CDK6: variants seen among roughly 807,000 people sequenced by gnomAD.
CDK6 encodes cyclin-dependent kinase 6.
CDK6 carries 6 observed loss-of-function variants against 37.1 expected under a neutral mutation model. That is an observed-to-expected ratio of 0.16 (90% confidence interval 0.09 to 0.32). CDK6 has a LOEUF of 0.32. Ranked by LOEUF, CDK6 falls within the 10% of genes least tolerant of loss-of-function variation. CDK6 has a pLI of 1.00. For synonymous variants in CDK6, 160 were observed against 161.3 expected (o/e 0.99, Z 0.06); for missense variants, 224 against 418.9 (o/e 0.53, Z 4.06).
intron 2 of CDK6, among the ~76,000 whole-genome samples, chr7:92,781,558 G>C (rs760329444): frequency 1.1e-4 from 17 of 152,180 alleles, no homozygotes; most frequent in Non-Finnish European, 1.9e-4. Context: ...CAAACAACAT[G>C]CTTTGTAAAC....
At chr7:92,825,603 G>A (rs1010154617) in intron 2 of CDK6, among the ~76,000 whole-genome samples, 1 of 152,106 alleles carries the variant, frequency 6.6e-6, no homozygotes, top group African/African-American at 2.4e-5. Context: ...ATTATGAAGA[G>A]GAGTAGAAGA....
At chr7:92,637,285 C>T (rs1294793152) in intron 5 of CDK6, among the ~76,000 whole-genome samples, 3 of 152,178 alleles carry the variant, frequency 2.0e-5, no homozygotes, top group African/African-American at 4.8e-5. Context: ...AAATAAATGT[C>T]TACTTCCAAT....
At chr7:92,740,173 A>G (rs1035493330) in intron 3 of CDK6, among the ~76,000 whole-genome samples, 1 of 152,188 alleles carries the variant, frequency 6.6e-6, no homozygotes, top group African/African-American at 2.4e-5. Flanking sequence ...CTGCTTCCTA[A>G]CTATCTCTGG....
intron 5 of CDK6, among the ~76,000 whole-genome samples, chr7:92,665,770 G>GA (rs1796942647): frequency 6.6e-6 from 1 of 152,102 alleles, no homozygotes; most frequent in African/African-American, 2.4e-5. Flanking sequence ...AATCATTACA[G>GA]AAAAAAATAT....
chr7:92,639,827 A>G (rs1022609337), intron 5 of CDK6, among the ~76,000 whole-genome samples: 1 of 152,212 alleles, frequency 6.6e-6, no homozygotes, highest in Non-Finnish European at 1.5e-5. Context: ...TTCCAACCAC[A>G]GATTAATACT....
intron 3 of CDK6, among the ~76,000 whole-genome samples, chr7:92,731,057 G>T (rs1305633884): frequency 6.6e-6 from 1 of 152,142 alleles, no homozygotes; most frequent in Non-Finnish European, 1.5e-5. Context: ...ACTCCTTGGA[G>T]ATTCCACCCA....
chr7:92,821,194 C>A (rs532522870), intron 2 of CDK6, among the ~76,000 whole-genome samples: 1 of 152,262 alleles, frequency 6.6e-6, no homozygotes, highest in Admixed American at 6.5e-5. Flanking sequence ...CCCAGGCCAC[C>A]TGGTGTAGGT....
intron 4 of CDK6, among the ~76,000 whole-genome samples, chr7:92,692,323 C>A (rs1010779757): frequency 3.9e-5 from 6 of 152,182 alleles, no homozygotes; most frequent in Admixed American, 3.3e-4. Flanking sequence ...CAAAATCTGA[C>A]TGATTGGCAT....
chr7:92,647,569 G>A (rs1343078678), intron 5 of CDK6, among the ~76,000 whole-genome samples: 1 of 152,176 alleles, frequency 6.6e-6, no homozygotes, highest in African/African-American at 2.4e-5. Flanking sequence ...AAGAATACAG[G>A]AAATTCATAT....
intron 2 of CDK6, among the ~76,000 whole-genome samples, chr7:92,797,533 A>G (rs1800445166): frequency 6.6e-6 from 1 of 152,114 alleles, no homozygotes; most frequent in East Asian, 1.9e-4. Context: ...CAACCACATC[A>G]CAGAATTGGC....
intron 2 of CDK6, among the ~76,000 whole-genome samples, chr7:92,792,541 G>A (rs1800310367): frequency 6.6e-6 from 1 of 151,974 alleles, no homozygotes; most frequent in Non-Finnish European, 1.5e-5. Context: ...CAAACCACCT[G>A]ACAGAAGATT....
chr7:92,654,806 T>C (rs1796653936), intron 5 of CDK6, among the ~76,000 whole-genome samples: 1 of 152,084 alleles, frequency 6.6e-6, no homozygotes, highest in African/African-American at 2.4e-5. Context: ...ATCTACCTAT[T>C]TCCAGGTGCA....
chr7:92,748,750 C>G (rs1799117259), intron 3 of CDK6, among the ~76,000 whole-genome samples: 1 of 152,108 alleles, frequency 6.6e-6, no homozygotes, highest in African/African-American at 2.4e-5. Flanking sequence ...TACAGTACTT[C>G]CTTAAATCTA....
At chr7:92,722,532 C>A (rs1260761178) in intron 4 of CDK6, among the ~76,000 whole-genome samples, 1 of 152,178 alleles carries the variant, frequency 6.6e-6, no homozygotes, top group Admixed American at 6.5e-5. Context: ...TGATTTTGAA[C>A]ACAGATATGT....
intron 5 of CDK6, among the ~76,000 whole-genome samples, chr7:92,670,902 T>C (rs539899158): frequency 2.0e-5 from 3 of 152,366 alleles, no homozygotes; most frequent in South Asian, 2.1e-4. Context: ...CTGTCCTCTA[T>C]AGTACCTGAA....
At chr7:92,749,295 C>T (rs1326520496) in intron 3 of CDK6, among the ~76,000 whole-genome samples, 1 of 151,314 alleles carries the variant, frequency 6.6e-6, no homozygotes, top group Non-Finnish European at 1.5e-5. Flanking sequence ...GGCAACATAG[C>T]GAGACCCTGT....
At chr7:92,672,236 C>A (rs1208909437) in intron 4 of CDK6, among the ~76,000 whole-genome samples, 2 of 145,960 alleles carry the variant, frequency 1.4e-5, no homozygotes, top group Non-Finnish European at 3.0e-5. Context: ...CACACACACA[C>A]ACACACATAT....
chr7:92,728,786 G>A (rs1183808745), intron 3 of CDK6, among the ~76,000 whole-genome samples: 2 of 151,916 alleles, frequency 1.3e-5, no homozygotes, highest in African/African-American at 4.8e-5. Flanking sequence ...TTAGCAAATG[G>A]CTTTTCTTTT....
chr7:92,712,826 C>T lies in CDK6; in HGVS notation c.537+12800G>A, dbSNP rs78051512. Among the ~76,000 whole-genome samples the T allele has an allele frequency of 1.9e-3, 289 of 150,680 alleles. 2 individuals are homozygous for T. Among genetic ancestry groups the T allele is most frequent in the African/African-American group, 6.8e-3 (278 of 40,740 alleles). ...CATGTGAGTTTCTCTCTTCTTTAGACATTAATCCTATGTATGTATGTATGT... is the reference window on the plus strand; with the variant it reads ...CATGTGAGTTTCTCTCTTCTTTAGATATTAATCCTATGTATGTATGTATGT... On this transcript the variant is annotated intron_variant, in intron 4 of 7. Transcript: ENST00000424848.
Sources: gnomAD v4.1 joint callset for allele counts (sites outside exome capture counted in the v4.1 genomes callset) on GRCh38, gnomAD v4.1.1 for gene constraint, MANE v1.5 for transcripts, NCBI Gene and HGNC (gene_info 2026-07-23, HGNC 2026-07-21) for gene names.